Variants in IFIH1 observed in about 807,000 individuals in gnomAD.
The protein encoded by IFIH1 is interferon-induced helicase C domain-containing protein 1.
Under a neutral mutation model 107.4 loss-of-function variants are expected in IFIH1, and 125 were observed. The ratio of observed to expected loss-of-function variants is 1.16; its 90% CI spans 1.01 to 1.35. IFIH1 has a LOEUF of 1.35. Ranked by LOEUF, IFIH1 falls within the 40% of genes most tolerant of loss-of-function variation. The pLI is 0.00. For synonymous variants in IFIH1, 458 were observed against 413.2 expected (o/e 1.11, Z -1.31); for missense variants, 1,333 against 1,213.7 (o/e 1.10, Z -1.46).
chr2:162,308,300 T>C (rs561016243), intron 2 of IFIH1, among the ~76,000 whole-genome samples: 1 of 152,210 alleles, frequency 6.6e-6, no homozygotes, highest in East Asian at 1.9e-4. Flanking sequence ...GAGACAGATG[T>C]TTCTCTTTTT....
At chr2:162,314,396 C>CT (rs1382882893) in intron 1 of IFIH1, among the ~76,000 whole-genome samples, 6,084 of 65,798 alleles carry the variant, frequency 0.092, 974 homozygotes, top group African/African-American at 0.17. Flanking sequence ...CCCTCCCTCC[C>CT]TCCTTTCTTT....
At chr2:162,304,353 T>C (rs1683243540) in intron 3 of IFIH1, among the ~76,000 whole-genome samples, 1 of 152,124 alleles carries the variant, frequency 6.6e-6, no homozygotes, top group African/African-American at 2.4e-5. Context: ...TGCCAGCTAC[T>C]TGGGAGACTG....
Position 162,282,595 on chromosome 2 carries a change from T to C in IFIH1, c.1096-19A>G, listed in dbSNP as rs767226768. On this transcript the variant is annotated intron_variant, in intron 5 of 15. Transcript: ENST00000649979. ...GCAGTACCTTAAAAAAATGTGAAGA[T>C]TTTTTAAAAGAGAGAAAGTTAGTCG... The C allele has an allele frequency of 1.9e-6, 3 of 1,553,002 alleles. No homozygotes were observed. The highest frequency in any genetic ancestry group is 2.3e-5 in the East Asian group (1 of 43,528).
chr2:162,268,561 C>A (rs1690971706), intron 13 of IFIH1, among the ~76,000 whole-genome samples: 1 of 152,090 alleles, frequency 6.6e-6, no homozygotes. Context: ...AACAAAAATT[C>A]TCTGTCTAGC....
chr2:162,289,465 CTT>C (rs1179606400), intron 4 of IFIH1, among the ~76,000 whole-genome samples: 1 of 151,662 alleles, frequency 6.6e-6, no homozygotes, highest in African/African-American at 2.4e-5. Flanking sequence ...CATTTTATGA[CTT>C]ATATAATAAG....
At chr2:162,283,318 C>T (rs1039971225) in intron 5 of IFIH1, among the ~76,000 whole-genome samples, 9 of 151,744 alleles carry the variant, frequency 5.9e-5, no homozygotes, top group African/African-American at 9.7e-5. Flanking sequence ...AGAACAAACC[C>T]GAAAGTAGAC....
chr2:162,294,282 G>C (rs1433020516), intron 3 of IFIH1, among the ~76,000 whole-genome samples: 1 of 151,942 alleles, frequency 6.6e-6, no homozygotes, highest in Non-Finnish European at 1.5e-5. Context: ...CTATCAAAGA[G>C]TTATGGTTAA....
Position 162,318,129 on chromosome 2 carries a change from T to C in IFIH1, c.179A>G (p.Glu60Gly). ...VATSGNMQAVELLLSTLEKGV... is the reference protein window; with the variant it reads ...VATSGNMQAVGLLLSTLEKGV... ...CTTCTCCAAGGTGCTCAGCAGCAGT[T>C]CAACTGCCTGCATGTTCCCGGAGGT... The change falls in exon 1 of 16, where the codon GAA becomes GGA. Residue 60 changes from glutamate (E) to glycine (G), a missense_variant. Coordinates refer to ENST00000649979, the MANE Select transcript of IFIH1 (RefSeq NM_022168.4). The C allele has an allele frequency of 6.2e-7, 1 of 1,614,156 alleles. No individual in the cohort carries two copies. Among genetic ancestry groups the C allele is most frequent in the South Asian group, 1.1e-5 (1 of 91,082 alleles).
At chr2:162,296,687 T>G (rs987612284) in intron 3 of IFIH1, among the ~76,000 whole-genome samples, 11 of 152,166 alleles carry the variant, frequency 7.2e-5, no homozygotes, top group African/African-American at 2.7e-4. Flanking sequence ...TTTCTATCCA[T>G]CTTGAAACAG....
At chr2:162,310,715 C>A in intron 2 of IFIH1, 50 bp downstream of exon 2, 1 of 1,492,664 alleles carries the variant, frequency 6.7e-7, no homozygotes, top group Middle Eastern at 1.7e-4. Context: ...ATTGAATTCT[C>A]AATCACTAGG....
In IFIH1 at chr2:162,317,895, C is replaced by A. The variant is rs774361518; in HGVS notation, c.413G>T (p.Cys138Phe). 1.9e-6 allele frequency: 3 copies of A among 1,609,460 alleles called. No individual in the cohort carries two copies. The highest frequency in any genetic ancestry group is 2.2e-5 in the East Asian group (1 of 44,860). Residue 138 changes from cysteine to phenylalanine, a missense_variant, in exon 1 of 16, where the codon TGC becomes TTC. Transcript: ENST00000649979. ...AATTGTCAACAGTTCCTCCTCCATG[C>A]ACTTATCCAAGACGTCTCTAACTAG... is the stretch of plus-strand genomic sequence containing the variant. The part of the protein sequence containing the change: ...KLLVRDVLDK[C>F]MEEELLTIED...
At position 162,318,340 on chromosome 2, in the gene IFIH1, CAAGCAGATGGTGCTG is replaced by C; in HGVS notation, c.-48_-34del. Reference sequence around the variant, plus strand: ...TCTCAGAGAAGGGAGAGGGTTCTCCCAAGCAGATGGTGCTGTTGTCTGCGGGACAGGTGAAATGTG... The same window carrying C: ...TCTCAGAGAAGGGAGAGGGTTCTCCCTTGTCTGCGGGACAGGTGAAATGTG... On this transcript the variant is annotated 5_prime_UTR_variant, in exon 1 of 16. Transcript: ENST00000649979. 1 of 1,562,828 alleles carries C rather than the reference CAAGCAGATGGTGCTG, an allele frequency of 6.4e-7. No homozygotes were observed. Among genetic ancestry groups the C allele is most frequent in the Non-Finnish European group, 8.8e-7 (1 of 1,140,104 alleles).
intron 3 of IFIH1, among the ~76,000 whole-genome samples, chr2:162,297,707 A>T (rs1275031978): frequency 6.6e-6 from 1 of 152,200 alleles, no homozygotes; most frequent in African/African-American, 2.4e-5. Flanking sequence ...AGAAGATGGT[A>T]GTAATTGAAC....
intron 5 of IFIH1, among the ~76,000 whole-genome samples, chr2:162,283,503 T>C (rs1013977559): frequency 2.6e-5 from 4 of 151,968 alleles, no homozygotes; most frequent in Admixed American, 6.6e-5. Context: ...CTAGGAAGAT[T>C]TATGCAATGG....
intron 12 of IFIH1, among the ~76,000 whole-genome samples, chr2:162,273,388 A>G (rs1691083414): frequency 1.3e-5 from 2 of 152,202 alleles, no homozygotes; most frequent in South Asian, 4.1e-4. Context: ...ATGCAGAAAC[A>G]GCAGGGCTCC....
intron 13 of IFIH1, among the ~76,000 whole-genome samples, chr2:162,268,703 C>G (rs1239495205): frequency 7.2e-5 from 11 of 152,054 alleles, no homozygotes; most frequent in Non-Finnish European, 1.6e-4. Flanking sequence ...GATTCTTCTG[C>G]CTTAGACTCC....
chr2:162,268,540 T>C (rs546889807), intron 13 of IFIH1, among the ~76,000 whole-genome samples: 15 of 152,170 alleles, frequency 9.9e-5, no homozygotes, highest in Non-Finnish European at 1.3e-4. Flanking sequence ...AGAAAGTCCT[T>C]AGCAATATTC....
chr2:162,288,284 C>A lies in IFIH1; in HGVS notation c.946G>T (p.Ala316Ser), dbSNP rs1355343871. The change falls in exon 5 of 16, where the codon GCC becomes TCC. Residue 316 changes from alanine to serine, a missense_variant. Ala to Ser is a moderately conservative substitution (Grantham distance 99). Coordinates refer to ENST00000649979, the MANE Select transcript of IFIH1 (RefSeq NM_022168.4). ...TTCTTCCCTTCCAAGGCTGGCTGGG[C>A]AACTTCCATTTGGTAAGGCCTGAGC... ...LQLRPYQMEVAQPALEGKNII... is the reference protein window; with the variant it reads ...LQLRPYQMEVSQPALEGKNII... 1.6e-5 allele frequency: 26 copies of A among 1,612,830 alleles called. No homozygotes were observed. Among genetic ancestry groups the A allele is most frequent in the Non-Finnish European group, 1.9e-5 (22 of 1,179,266 alleles).
intron 5 of IFIH1, among the ~76,000 whole-genome samples, chr2:162,283,781 T>A (rs963759236): frequency 6.6e-6 from 1 of 151,852 alleles, no homozygotes; most frequent in Non-Finnish European, 1.5e-5. Context: ...CTTTATTATT[T>A]AGTGGAAATG....
Sources: allele counts gnomAD v4.1 joint callset (sites outside exome capture counted in the v4.1 genomes callset), GRCh38; gene constraint gnomAD v4.1.1; transcripts MANE v1.5; gene names NCBI Gene and HGNC (gene_info 2026-07-23, HGNC 2026-07-21).